Variants in OR4E2 observed in about 807,000 individuals in gnomAD.
OR4E2 encodes the protein olfactory receptor 4E2.
In OR4E2, 9 loss-of-function variants were observed where a neutral mutation model predicts 11.0. The observed-to-expected ratio is 0.82, with a 90% confidence interval of 0.49 to 1.43. The LOEUF (loss-of-function observed/expected upper bound fraction) is 1.43, where lower values mean the gene tolerates loss of function less well. Among genes scored for constraint, OR4E2 ranks in the 40% most tolerant of loss-of-function variants. The pLI is 0.00. For missense variants in OR4E2, 441 were observed against 382.0 expected (o/e 1.15, Z -1.29); for synonymous variants, 159 against 147.3 (o/e 1.08, Z -0.57).
At chr14:21,654,747 T>TGAGAGAGAGAGAGA (rs34453088) in intron 1 of OR4E2, among the ~76,000 whole-genome samples, 4 of 146,516 alleles carry the variant, frequency 2.7e-5, no homozygotes, top group African/African-American at 1.0e-4. Flanking sequence ...ATATATAAAA[T>TGAGAGAGAGAGAGA]GAGAGAGAGA....
In OR4E2 at chr14:21,667,218, GA is replaced by G. The variant is rs1267523988; in HGVS notation, c.*1201del. 1.3e-5 allele frequency: 2 copies of G among 152,034 alleles called. No homozygotes were observed. Among genetic ancestry groups the G allele is most frequent in the Non-Finnish European group, 2.9e-5 (2 of 67,998 alleles). The allele number at this position is 152,034 out of a possible 1,614,324, so 9.4% of individuals were successfully genotyped here. Reference sequence around the variant, plus strand: ...ATAAATATGTTTCTTTGCTTATTCTGAAAAAAATTTATAATTGATTGGGGTC... The same window carrying G: ...ATAAATATGTTTCTTTGCTTATTCTGAAAAAATTTATAATTGATTGGGGTC... On this transcript the variant is annotated 3_prime_UTR_variant, in exon 4 of 4. Transcript: ENST00000641524.
intron 2 of OR4E2, among the ~76,000 whole-genome samples, chr14:21,657,379 TTCC>T (rs1880016164): frequency 6.8e-6 from 1 of 147,756 alleles, no homozygotes; most frequent in Non-Finnish European, 1.5e-5. Context: ...CCTTCCTTCC[TTCC>T]TTCCTTTCTT....
Position 21,665,442 on chromosome 14 carries a change from T to C in OR4E2, c.360T>C (p.Tyr120=), listed in dbSNP as rs946897439. Residue 120 remains tyrosine, a synonymous_variant, in exon 4 of 4, where the codon TAT becomes TAC. Coordinates refer to ENST00000641524, the MANE Select transcript of OR4E2 (RefSeq NM_001001912.3). The stretch of plus-strand genomic sequence containing the variant: ...TCTTTCTGCTGATCATTATGGCGTA[T>C]GATCGTTACGTGGCTATCTGCACTC... ...AEIFLLIIMA[Y]DRYVAICTPL... 5 of 1,614,130 alleles carry C rather than the reference T, an allele frequency of 3.1e-6. No homozygotes were observed. In the African/African-American group the frequency reaches 5.3e-5, roughly 17 times the overall value.
chr14:21,663,835 T>C (rs543462734), intron 3 of OR4E2, among the ~76,000 whole-genome samples: 2 of 152,314 alleles, frequency 1.3e-5, no homozygotes, highest in East Asian at 1.9e-4. Flanking sequence ...CTCCCACTTA[T>C]AAATGGGAAC....
rs1356801282 is a variant in OR4E2 at position 21,665,522 on chromosome 14, C to T, written c.440C>T (p.Ala147Val). 3 of 1,613,998 alleles carry T rather than the reference C, an allele frequency of 1.9e-6. No individual in the cohort carries two copies. The highest frequency in any genetic ancestry group is 2.5e-6 in the Non-Finnish European group (3 of 1,180,028). Residue 147 changes from alanine (A) to valine (V), a missense_variant, in exon 4 of 4, where the codon GCT becomes GTT. Physicochemically the swap from Ala to Val is moderately conservative, Grantham distance 64. Coordinates refer to ENST00000641524, the MANE Select transcript of OR4E2 (RefSeq NM_001001912.3). The part of the protein sequence containing the change: ...NMRVCIQLVF[A>V]LWLGGTVHSL... ...AGAGTCTGTATACAGCTTGTCTTTG[C>T]TCTCTGGTTGGGGGGTACTGTTCAC...
Position 21,665,126 on chromosome 14 carries a change from T to A in OR4E2, c.44T>A (p.Leu15Ter), listed in dbSNP as rs777376413. The A allele has an allele frequency of 6.2e-7, 1 of 1,613,572 alleles. No individual in the cohort carries two copies. Among genetic ancestry groups the A allele is most frequent in the Admixed American group, 1.7e-5 (1 of 60,018 alleles). ...ACAAGAGTGACTGAATTTGTCTTCTTGGGACTCACTGATAACCGGGTGCTG... is the reference window on the plus strand; with the variant it reads ...ACAAGAGTGACTGAATTTGTCTTCTAGGGACTCACTGATAACCGGGTGCTG... ...NQTRVTEFVF[L>*]GLTDNRVLEM... Residue 15 changes from leucine (L) to a stop codon, truncating the protein, a stop_gained, in exon 4 of 4, where the codon TTG (leucine) becomes TAG (stop). Transcript: ENST00000641524. LOFTEE classifies it low-confidence loss of function (END_TRUNC).
chr14:21,657,337 G>GCTTCCTCC (rs1880003206), intron 2 of OR4E2, among the ~76,000 whole-genome samples: 2 of 112,398 alleles, frequency 1.8e-5, no homozygotes, highest in African/African-American at 6.8e-5. Flanking sequence ...GATGTTAAAT[G>GCTTCCTCC]CTTCCTTCCT....
chr14:21,665,236 A>T lies in OR4E2; in HGVS notation c.154A>T (p.Thr52Ser), dbSNP rs375299406. ...NILIIIATVFTPSLHTPMYFF... is the reference protein window; with the variant it reads ...NILIIIATVFSPSLHTPMYFF... ...TCTCATCATCATTGCCACAGTCTTT[A>T]CTCCAAGTCTCCATACCCCCATGTA... Residue 52 changes from threonine (T) to serine (S), a missense_variant, in exon 4 of 4, where the codon ACT (threonine) becomes TCT (serine). Coordinates refer to ENST00000641524, the MANE Select transcript of OR4E2 (RefSeq NM_001001912.3). The T allele has an allele frequency of 6.2e-7, 1 of 1,613,752 alleles. No homozygotes were observed. The highest frequency in any genetic ancestry group is 1.1e-5 in the South Asian group (1 of 91,074).
chr14:21,657,385 C>CCTTCCTTT (rs1491122085), intron 2 of OR4E2, among the ~76,000 whole-genome samples: 3 of 108,406 alleles, frequency 2.8e-5, no homozygotes, highest in East Asian at 2.4e-4. Flanking sequence ...TTCCTTCCTT[C>CCTTCCTTT]CTTTCTTTCT....
At position 21,665,139 on chromosome 14, in the gene OR4E2, T is replaced by C. The variant is rs745565648; in HGVS notation, c.57T>C (p.Asp19=). The C allele has an allele frequency of 2.2e-5, 36 of 1,613,818 alleles. No individual in the cohort carries two copies. The highest frequency in any genetic ancestry group is 3.3e-5 in the Admixed American group (2 of 60,000). The part of the protein sequence containing the change: ...VTEFVFLGLT[D]NRVLEMLFFM... ...AATTTGTCTTCTTGGGACTCACTGA[T>C]AACCGGGTGCTGGAAATGCTGTTTT... The change falls in exon 4 of 4, where the codon GAT becomes GAC. Residue 19 remains aspartate, a synonymous_variant. Coordinates refer to ENST00000641524, the MANE Select transcript of OR4E2 (RefSeq NM_001001912.3).
intron 1 of OR4E2, 100 bp from the exon 2 acceptor site, chr14:21,656,402 G>A (rs1188910405): frequency 6.6e-6 from 1 of 151,890 alleles, no homozygotes; most frequent in Non-Finnish European, 1.5e-5. Context: ...AACTTAAAAA[G>A]GTGAAACTGT....
rs988958426 is a variant in OR4E2, at chr14:21,665,556, G to A, written c.474G>A (p.Gly158=). Residue 158 remains glycine, a synonymous_variant, in exon 4 of 4, where the codon GGG becomes GGA. Coordinates refer to ENST00000641524, the MANE Select transcript of OR4E2 (RefSeq NM_001001912.3). The stretch of plus-strand genomic sequence containing the variant: ...TGGGGGGTACTGTTCACTCACTAGG[G>A]CAGACCTTCTTGACTATTCGTCTAC... ...LWLGGTVHSL[G]QTFLTIRLPY... 4.3e-6 allele frequency: 7 copies of A among 1,614,088 alleles called. No individual in the cohort carries two copies. The highest frequency in any genetic ancestry group is 5.9e-6 in the Non-Finnish European group (7 of 1,180,008).
chr14:21,665,333 G>A lies in OR4E2; in HGVS notation c.251G>A (p.Gly84Asp). 1 of 1,614,066 alleles carries A rather than the reference G, an allele frequency of 6.2e-7. No homozygotes were observed. The highest frequency in any genetic ancestry group is 8.5e-7 in the Non-Finnish European group (1 of 1,179,990). The change falls in exon 4 of 4, where the codon GGT becomes GAT. Residue 84 changes from glycine (G) to aspartate (D), a missense_variant. Gly to Asp is a moderately conservative substitution (Grantham distance 94). Transcript: ENST00000641524. ...SSVTVPKMLE[G>D]LLLERKTISF... ...GTCACTGTGCCTAAGATGTTGGAGG[G>A]TTTGCTTTTAGAAAGAAAGACCATT... is the stretch of plus-strand genomic sequence containing the variant.
intron 2 of OR4E2, among the ~76,000 whole-genome samples, chr14:21,657,905 G>A (rs1162971476): frequency 1.3e-5 from 2 of 151,890 alleles, no homozygotes; most frequent in African/African-American, 2.4e-5. Context: ...TGCTTTCTAT[G>A]TATGCAGAAG....
In OR4E2 at chr14:21,665,254, C is replaced by G; in HGVS notation, c.172C>G (p.Pro58Ala). 6.2e-7 allele frequency: 1 copy of G among 1,614,128 alleles called. No individual in the cohort carries two copies. The change falls in exon 4 of 4, where the codon CCC (proline) becomes GCC (alanine). Residue 58 changes from proline (P) to alanine (A), a missense_variant. Physicochemically the swap from Pro to Ala is conservative, Grantham distance 27. Transcript: ENST00000641524. ...ATVFTPSLHT[P>A]MYFFLSNLSF... ...AGTCTTTACTCCAAGTCTCCATACC[C>G]CCATGTATTTCTTCCTGAGCAATCT...
intron 1 of OR4E2, among the ~76,000 whole-genome samples, chr14:21,655,996 C>G (rs72686088): frequency 6.6e-6 from 1 of 151,414 alleles, no homozygotes; most frequent in Non-Finnish European, 1.5e-5. Flanking sequence ...AAGGCGAAAC[C>G]GCTGGGCGTG....
At chr14:21,663,185 TAAAA>T (rs1277135946) in intron 3 of OR4E2, among the ~76,000 whole-genome samples, 3 of 152,028 alleles carry the variant, frequency 2.0e-5, no homozygotes, top group Non-Finnish European at 1.5e-5. Flanking sequence ...TTACTACTCT[TAAAA>T]AAATTTTAGT....
In OR4E2 at chr14:21,666,018, T is replaced by C. The variant is rs761948529; in HGVS notation, c.936T>C (p.Tyr312=). ...GACAAGTTTTTTTCACGAAATCATA[T>C]ACATAATGGGCACTGGGATTGCAGA... ...RQRQVFFTKS[Y]T Residue 312 remains tyrosine, a synonymous_variant, in exon 4 of 4, where the codon TAT becomes TAC. Transcript: ENST00000641524. 4 of 1,609,924 alleles carry C rather than the reference T, an allele frequency of 2.5e-6. No homozygotes were observed. Among genetic ancestry groups the C allele is most frequent in the South Asian group, 1.1e-5 (1 of 90,674 alleles).
chr14:21,662,729 G>T (rs762983314), intron 3 of OR4E2, among the ~76,000 whole-genome samples: 32 of 152,098 alleles, frequency 2.1e-4, no homozygotes, highest in Non-Finnish European at 3.5e-4. Context: ...CCATGACATT[G>T]TTCCTGATGT....
Sources: gnomAD v4.1 joint callset for allele counts (sites outside exome capture counted in the v4.1 genomes callset) on GRCh38, gnomAD v4.1.1 for gene constraint, MANE v1.5 for transcripts, NCBI Gene and HGNC (gene_info 2026-07-23, HGNC 2026-07-21) for gene names.